The following PACRG variants were observed in gnomAD, a reference collection of about 807,000 sequenced individuals.
PACRG encodes the protein parkin coregulated gene protein.
PACRG carries 29 observed loss-of-function variants against 29.7 expected under a neutral mutation model. That is an observed-to-expected ratio of 0.98 (90% CI 0.73 to 1.33). PACRG has a LOEUF of 1.33. Among genes scored for constraint, PACRG ranks in the 40% most tolerant of loss-of-function variants. The pLI is 0.00. For synonymous variants in PACRG, 116 were observed against 118.7 expected, an observed-to-expected ratio of 0.98 and a Z score of 0.15; for missense variants, 279 against 316.2, an observed-to-expected ratio of 0.88 and a Z score of 0.89.
At chr6:163,276,093 C>A (rs2128182098) in intron 4 of PACRG, among the ~76,000 whole-genome samples, 1 of 150,904 alleles carries the variant, frequency 6.6e-6, no homozygotes, top group Non-Finnish European at 1.5e-5. Context: ...GTGGTGTGAT[C>A]TTGGCTCACT....
chr6:163,264,284 T>C (rs1177196444), intron 4 of PACRG, among the ~76,000 whole-genome samples: 1 of 152,194 alleles, frequency 6.6e-6, no homozygotes, highest in Non-Finnish European at 1.5e-5. Context: ...GCAAGGCTGA[T>C]TTCCATCTCA....
At chr6:162,807,881 G>A (rs1786493666) in intron 1 of PACRG, among the ~76,000 whole-genome samples, 1 of 152,050 alleles carries the variant, frequency 6.6e-6, no homozygotes, top group Admixed American at 6.6e-5. Flanking sequence ...ATGTCTCTAC[G>A]TATCCGTAAC....
At chr6:163,230,381 G>A (rs924800557) in intron 4 of PACRG, among the ~76,000 whole-genome samples, 1 of 152,048 alleles carries the variant, frequency 6.6e-6, no homozygotes, top group Non-Finnish European at 1.5e-5. Flanking sequence ...ATTTTTTAGT[G>A]TAATAAAATA....
intron 2 of PACRG, among the ~76,000 whole-genome samples, chr6:163,056,610 T>C (rs1482716150): frequency 6.6e-6 from 1 of 152,176 alleles, no homozygotes; most frequent in African/African-American, 2.4e-5. Context: ...GCAGGACTTA[T>C]GTGCTGTCAG....
chr6:163,269,835 G>A (rs370590463), intron 4 of PACRG, among the ~76,000 whole-genome samples: 1,444 of 24,018 alleles, frequency 0.06, 267 homozygotes, highest in Non-Finnish European at 0.079. Flanking sequence ...AAGAAAGAAA[G>A]AAAAAGAAAG....
At chr6:162,999,531 C>A (rs1804392982) in intron 2 of PACRG, among the ~76,000 whole-genome samples, 2 of 152,148 alleles carry the variant, frequency 1.3e-5, no homozygotes, top group South Asian at 4.1e-4. Context: ...AGACCCTCAA[C>A]CAATTTAAAT....
At chr6:163,122,216 GTTC>G (rs1465154955) in intron 4 of PACRG, among the ~76,000 whole-genome samples, 1 of 151,730 alleles carries the variant, frequency 6.6e-6, no homozygotes, top group African/African-American at 2.4e-5. Flanking sequence ...AAATTCACAA[GTTC>G]TTCTTTGACT....
chr6:162,849,033 T>C (rs1790642798), intron 2 of PACRG, among the ~76,000 whole-genome samples: 1 of 151,990 alleles, frequency 6.6e-6, no homozygotes, highest in African/African-American at 2.4e-5. Context: ...TAACTAAAGG[T>C]TTACCAGAGA....
intron 4 of PACRG, among the ~76,000 whole-genome samples, chr6:163,239,752 G>A (rs986393650): frequency 9.5e-4 from 107 of 112,440 alleles, no homozygotes; most frequent in Non-Finnish European, 1.6e-3. Context: ...ACTCCCACAT[G>A]CACACACACT....
intron 4 of PACRG, among the ~76,000 whole-genome samples, chr6:163,157,996 G>A (rs527639037): frequency 6.6e-6 from 1 of 152,278 alleles, no homozygotes; most frequent in African/African-American, 2.4e-5. Context: ...ACGGTTCTTG[G>A]AAAGAAATGG....
chr6:162,820,544 G>T (rs1436693327), intron 2 of PACRG, among the ~76,000 whole-genome samples: 1 of 152,044 alleles, frequency 6.6e-6, no homozygotes, highest in Non-Finnish European at 1.5e-5. Flanking sequence ...TGTGATACTC[G>T]ATCCATTTGC....
chr6:163,131,089 C>G (rs555489174), intron 4 of PACRG, among the ~76,000 whole-genome samples: 1 of 152,054 alleles, frequency 6.6e-6, no homozygotes, highest in Non-Finnish European at 1.5e-5. Context: ...GGGTGGATCA[C>G]GAGGTCAGGA....
intron 2 of PACRG, among the ~76,000 whole-genome samples, chr6:162,821,324 T>C (rs1445428086): frequency 6.6e-6 from 1 of 152,094 alleles, no homozygotes; most frequent in African/African-American, 2.4e-5. Context: ...GATTTATAAC[T>C]CCTGGAAAGT....
intron 4 of PACRG, among the ~76,000 whole-genome samples, chr6:163,161,321 C>G (rs1031054888): frequency 1.3e-5 from 2 of 151,460 alleles, no homozygotes; most frequent in African/African-American, 4.8e-5. Context: ...TGATAAAAAC[C>G]TTATTTAGGA....
rs141410167 is a variant in PACRG at position 162,818,697 on chromosome 6, T to A, written c.291+4416T>A. 4.8e-3 allele frequency among the ~76,000 whole-genome samples: 737 copies of A among 152,294 alleles called. 5 individuals carry two copies. Among genetic ancestry groups the A allele is most frequent in the African/African-American group, 0.017 (694 of 41,544 alleles). ...AAGGTGTCTCTAAAATCTTTCACTT[T>A]CTAGGCATTTTGATGTAGTAGATAT... On this transcript the variant is annotated intron_variant, in intron 2 of 4. Transcript: ENST00000366888.
At chr6:163,145,217 G>A (rs1322340183) in intron 4 of PACRG, among the ~76,000 whole-genome samples, 2 of 152,138 alleles carry the variant, frequency 1.3e-5, no homozygotes, top group Non-Finnish European at 2.9e-5. Flanking sequence ...ATCACTCCAA[G>A]CCTTGGTTTT....
intron 4 of PACRG, among the ~76,000 whole-genome samples, chr6:163,282,725 A>G (rs909882406): frequency 3.3e-5 from 5 of 152,120 alleles, no homozygotes; most frequent in African/African-American, 7.2e-5. Context: ...AAAAAAAAAA[A>G]AAAGAAAAGA....
At chr6:163,115,963 G>A (rs1815970276) in intron 4 of PACRG, among the ~76,000 whole-genome samples, 1 of 152,180 alleles carries the variant, frequency 6.6e-6, no homozygotes, top group Non-Finnish European at 1.5e-5. Context: ...TCATGCCTAT[G>A]GGCATTTGGG....
At chr6:163,314,017 A>C (rs1233159938) in intron 4 of PACRG, among the ~76,000 whole-genome samples, 2 of 152,172 alleles carry the variant, frequency 1.3e-5, no homozygotes, top group African/African-American at 4.8e-5. Flanking sequence ...TAGTGATTTG[A>C]GATTGAGTCT....
Sources: allele counts gnomAD v4.1 joint callset (sites outside exome capture counted in the v4.1 genomes callset), GRCh38; gene constraint gnomAD v4.1.1; transcripts MANE v1.5; gene names NCBI Gene and HGNC (gene_info 2026-07-23, HGNC 2026-07-21).